TBC1D4: variants seen among roughly 807,000 people sequenced by gnomAD.
TBC1D4 encodes the protein TBC1 domain family member 4, also known as TBC (Tre-2, BUB2, CDC16) domain-containing protein.
A neutral mutation model predicts 142.5 loss-of-function variants in TBC1D4; 121 were observed. The ratio of observed to expected loss-of-function variants is 0.85; its 90% CI spans 0.73 to 0.99. TBC1D4 has a LOEUF of 0.99. TBC1D4 is among the 50% of genes least tolerant of loss of function. The pLI is 0.00. For missense variants in TBC1D4, 1,475 were observed against 1,606.6 expected, an observed-to-expected ratio of 0.92 and a Z score of 1.40; for synonymous variants, 630 against 628.2, an observed-to-expected ratio of 1.00 and a Z score of -0.04.
intron 1 of TBC1D4, among the ~76,000 whole-genome samples, chr13:75,443,984 A>T (rs1158368218): frequency 6.6e-6 from 1 of 152,234 alleles, no homozygotes; most frequent in Non-Finnish European, 1.5e-5. Flanking sequence ...TCTGAAAAAA[A>T]AAAAAGCTGT....
chr13:75,325,364 T>C (rs1331802283), intron 10 of TBC1D4, among the ~76,000 whole-genome samples: 1 of 151,860 alleles, frequency 6.6e-6, no homozygotes, highest in African/African-American at 2.4e-5. Flanking sequence ...GCAGGCAAAT[T>C]TTGTAACACA....
chr13:75,400,289 T>C (rs1885017844), intron 1 of TBC1D4, among the ~76,000 whole-genome samples: 1 of 152,164 alleles, frequency 6.6e-6, no homozygotes, highest in Non-Finnish European at 1.5e-5. Context: ...GCACTTTTTT[T>C]CCACTTCCAC....
chr13:75,373,856 T>C (rs1420732348), intron 1 of TBC1D4, among the ~76,000 whole-genome samples: 2 of 152,134 alleles, frequency 1.3e-5, no homozygotes, highest in Admixed American at 1.3e-4. Flanking sequence ...AAACGCTCCC[T>C]TCCCTCCCCT....
intron 1 of TBC1D4, among the ~76,000 whole-genome samples, chr13:75,409,879 C>T (rs111981268): frequency 1.3e-5 from 2 of 152,242 alleles, no homozygotes; most frequent in East Asian, 3.9e-4. Flanking sequence ...TTTATACTTG[C>T]CCTGCTATAT....
At chr13:75,344,765 T>C (rs1881015851) in intron 5 of TBC1D4, among the ~76,000 whole-genome samples, 1 of 152,196 alleles carries the variant, frequency 6.6e-6, no homozygotes. Context: ...ATCTACTTTA[T>C]TTTTATCTTA....
rs534538 is a variant in TBC1D4 at position 75,286,668 on chromosome 13, C to A, written c.*124G>T. The stretch of plus-strand genomic sequence containing the variant: ...ACGAGGTCCACCTGCTGTGACTAGG[C>A]GCTCAGCACCAGTATTAGGTGGTTC... On this transcript the variant is annotated 3_prime_UTR_variant, in exon 21 of 21. Transcript: ENST00000377636. The A allele has an allele frequency of 0.99, 921,125 of 926,098 alleles. 458,239 individuals are homozygous for A. The highest frequency in any genetic ancestry group is 1 in the East Asian group (38,070 of 38,070). The allele number at this position is 926,098 out of a possible 1,614,324, so 57.4% of individuals were successfully genotyped here.
intron 1 of TBC1D4, among the ~76,000 whole-genome samples, chr13:75,422,311 G>C (rs1374165384): frequency 6.6e-6 from 1 of 151,782 alleles, no homozygotes; most frequent in Admixed American, 6.6e-5. Flanking sequence ...AATTTAGGAA[G>C]CCACTGCAGG....
intron 1 of TBC1D4, among the ~76,000 whole-genome samples, chr13:75,413,025 A>G (rs1279266544): frequency 6.6e-6 from 1 of 152,220 alleles, no homozygotes; most frequent in Non-Finnish European, 1.5e-5. Context: ...AGTGGGGGAA[A>G]CAGACAAGAA....
chr13:75,423,008 C>A (rs960997691), intron 1 of TBC1D4, among the ~76,000 whole-genome samples: 1 of 152,068 alleles, frequency 6.6e-6, no homozygotes, highest in Non-Finnish European at 1.5e-5. Context: ...GAATTGCATT[C>A]GCTACTAGTT....
intron 1 of TBC1D4, among the ~76,000 whole-genome samples, chr13:75,463,113 G>A (rs1888036647): frequency 6.6e-6 from 1 of 151,970 alleles, no homozygotes. Flanking sequence ...CAAGCATTTG[G>A]TAACTGTTAA....
intron 1 of TBC1D4, among the ~76,000 whole-genome samples, chr13:75,447,115 T>A (rs9543929): frequency 1.3e-5 from 2 of 152,196 alleles, no homozygotes. Flanking sequence ...TTACAGGAGT[T>A]ACTTTTAGTC....
intron 5 of TBC1D4, among the ~76,000 whole-genome samples, chr13:75,345,405 A>C (rs530090851): frequency 6.6e-6 from 1 of 152,302 alleles, no homozygotes; most frequent in East Asian, 1.9e-4. Context: ...AAAAAATCCT[A>C]TCAGAGAGTG....
At chr13:75,300,156 T>C (rs897842118) in intron 16 of TBC1D4, among the ~76,000 whole-genome samples, 1 of 152,218 alleles carries the variant, frequency 6.6e-6, no homozygotes, top group Non-Finnish European at 1.5e-5. Flanking sequence ...GCTCTTAAAA[T>C]ACCTCCATGA....
intron 1 of TBC1D4, among the ~76,000 whole-genome samples, chr13:75,386,386 C>CTTTTTTTTTTTTTT (rs67450573): frequency 7.0e-6 from 1 of 143,752 alleles, no homozygotes; most frequent in African/African-American, 2.6e-5. Context: ...TTTTCTTTTT[C>CTTTTTTTTTTTTTT]TTTTTCTTTT....
intron 1 of TBC1D4, among the ~76,000 whole-genome samples, chr13:75,448,669 C>A (rs76758950): frequency 2.6e-5 from 4 of 151,644 alleles, no homozygotes; most frequent in African/African-American, 9.7e-5. Context: ...GTATTTTATA[C>A]GGTGTTTTTA....
chr13:75,300,817 C>A (rs139315123), intron 16 of TBC1D4, among the ~76,000 whole-genome samples: 149 of 152,234 alleles, frequency 9.8e-4, no homozygotes, highest in African/African-American at 3.3e-3. Context: ...GTCAGAGAAC[C>A]ACAGATTTGC....
At chr13:75,403,146 G>A (rs1885179901) in intron 1 of TBC1D4, among the ~76,000 whole-genome samples, 1 of 152,130 alleles carries the variant, frequency 6.6e-6, no homozygotes, top group Non-Finnish European at 1.5e-5. Flanking sequence ...CATGGATAAA[G>A]ACCTACTCCT....
chr13:75,296,032 C>A (rs945118257), intron 17 of TBC1D4, among the ~76,000 whole-genome samples: 12 of 151,958 alleles, frequency 7.9e-5, no homozygotes, highest in Non-Finnish European at 1.5e-4. Context: ...AATCAACAGA[C>A]TCCTTTGGAA....
At chr13:75,360,118 T>C (rs1882383052) in intron 2 of TBC1D4, among the ~76,000 whole-genome samples, 1 of 152,052 alleles carries the variant, frequency 6.6e-6, no homozygotes, top group Non-Finnish European at 1.5e-5. Context: ...ATTTTTCAGA[T>C]TAGAAACAAC....
Sources: gnomAD v4.1 joint callset for allele counts (sites outside exome capture counted in the v4.1 genomes callset) on GRCh38, gnomAD v4.1.1 for gene constraint, MANE v1.5 for transcripts, NCBI Gene and HGNC (gene_info 2026-07-23, HGNC 2026-07-21) for gene names.